Variants in TMEM268 observed in about 807,000 individuals in gnomAD.
TMEM268 encodes the protein transmembrane protein 268, also known as transmembrane protein C9orf91.
In TMEM268, 24 loss-of-function variants were observed where a neutral mutation model predicts 39.1. The ratio of observed to expected loss-of-function variants is 0.61; its 90% CI spans 0.44 to 0.86. The LOEUF is 0.86. Ranked by LOEUF, TMEM268 falls within the 40% of genes least tolerant of loss-of-function variation. The pLI is 0.00. For missense variants in TMEM268, 409 were observed against 428.6 expected, an observed-to-expected ratio of 0.95 and a Z score of 0.40; for synonymous variants, 176 against 173.5, an observed-to-expected ratio of 1.01 and a Z score of -0.12.
At chr9:114,630,768 G>A (rs1469863106) in intron 5 of TMEM268, among the ~76,000 whole-genome samples, 1 of 152,182 alleles carries the variant, frequency 6.6e-6, no homozygotes, top group Admixed American at 6.5e-5. Context: ...GTGAGGAAAC[G>A]GAAGTTCAGA....
chr9:114,642,370 T>TA (rs1397038469), intron 8 of TMEM268, among the ~76,000 whole-genome samples: 1 of 151,414 alleles, frequency 6.6e-6, no homozygotes, highest in Non-Finnish European at 1.5e-5. Flanking sequence ...TCTTTTTTTT[T>TA]ACTGTCAGTG....
chr9:114,638,837 AGACAC>A (rs1846763037), intron 8 of TMEM268, 111 bp downstream of exon 8: 2 of 719,724 alleles, frequency 2.8e-6, no homozygotes, highest in Non-Finnish European at 4.1e-6. Flanking sequence ...CTCAGTTAGT[AGACAC>A]CACACAAATC....
chr9:114,639,303 T>G (rs1160171180), intron 8 of TMEM268, among the ~76,000 whole-genome samples: 1 of 152,054 alleles, frequency 6.6e-6, no homozygotes, highest in African/African-American at 2.4e-5. Flanking sequence ...ACCTGGCTAA[T>G]TTTTTGTATT....
chr9:114,632,940 G>C (rs1293061649), intron 5 of TMEM268, among the ~76,000 whole-genome samples: 1 of 152,068 alleles, frequency 6.6e-6, no homozygotes, highest in East Asian at 1.9e-4. Context: ...TTTATCCCAG[G>C]GCTGTCTGAC....
intron 5 of TMEM268, 90 bp downstream of exon 5, chr9:114,628,340 A>AAT: frequency 6.8e-7 from 1 of 1,476,408 alleles, no homozygotes; most frequent in Non-Finnish European, 9.3e-7. Flanking sequence ...TCCCTCAAAG[A>AAT]ATTTCCCTGG....
At chr9:114,618,986 A>T (rs530082045) in intron 2 of TMEM268, among the ~76,000 whole-genome samples, 24 of 152,340 alleles carry the variant, frequency 1.6e-4, no homozygotes, top group African/African-American at 5.5e-4. Flanking sequence ...GAGTAGCTGG[A>T]TATGGGCAAG....
At chr9:114,604,641 C>T in the TMEM268 span, among the ~76,000 whole-genome samples, 21 of 151,296 alleles carry the variant, frequency 1.4e-4, no homozygotes, top group African/African-American at 4.6e-4. Context: ...ATTGTGTAAC[C>T]TTGTGGTAAC....
At chr9:114,635,576 G>A (rs901165874) in intron 6 of TMEM268, among the ~76,000 whole-genome samples, 1 of 152,182 alleles carries the variant, frequency 6.6e-6, no homozygotes, top group African/African-American at 2.4e-5. Context: ...CTACTTGGAA[G>A]GCTGAGGTGG....
intron 1 of TMEM268, among the ~76,000 whole-genome samples, chr9:114,614,158 C>T (rs1010056424): frequency 6.6e-5 from 10 of 152,202 alleles, no homozygotes; most frequent in Admixed American, 5.9e-4. Context: ...ATGTATGTGG[C>T]AGAGTGGGAA....
At chr9:114,626,603 AG>A (rs1296839889) in intron 3 of TMEM268, among the ~76,000 whole-genome samples, 3 of 152,200 alleles carry the variant, frequency 2.0e-5, no homozygotes, top group Non-Finnish European at 4.4e-5. Context: ...GCAGGGCCAG[AG>A]TTTGGGCCCA....
At chr9:114,608,492 A>G (rs934191365), upstream of TMEM268, among the ~76,000 whole-genome samples, 1 of 152,192 alleles carries the variant, frequency 6.6e-6, no homozygotes, top group African/African-American at 2.4e-5. Flanking sequence ...GTGAGAATGA[A>G]GAGTAAAGGC....
chr9:114,643,557 C>T lies in TMEM268; in HGVS notation c.*244C>T, dbSNP rs1473314579. On this transcript the variant is annotated 3_prime_UTR_variant, in exon 9 of 9. Transcript: ENST00000288502. Reference sequence around the variant, plus strand: ...AAGCTGATGGTTACAGAGCTAGTCCCACCAAAGCTACTCTCTCTGCTGCTT... The same window carrying T: ...AAGCTGATGGTTACAGAGCTAGTCCTACCAAAGCTACTCTCTCTGCTGCTT... The T allele has an allele frequency of 4.0e-6, 2 of 498,724 alleles. No homozygotes were observed. Among genetic ancestry groups the T allele is most frequent in the Admixed American group, 3.4e-5 (1 of 29,686 alleles). The allele number at this position is 498,724 out of a possible 1,614,324, so 30.9% of individuals were successfully genotyped here. A position where few individuals can be genotyped will look rare whatever the true frequency, so the allele number is the denominator to read the frequency against.
intron 1 of TMEM268, among the ~76,000 whole-genome samples, chr9:114,616,874 G>T (rs936258195): frequency 1.3e-5 from 2 of 152,140 alleles, no homozygotes; most frequent in African/African-American, 4.8e-5. Context: ...CTGTGCCTGA[G>T]CTGGAGAAGA....
At chr9:114,641,424 A>T (rs1827333097) in intron 8 of TMEM268, among the ~76,000 whole-genome samples, 1 of 152,202 alleles carries the variant, frequency 6.6e-6, no homozygotes, top group African/African-American at 2.4e-5. Context: ...CAAGTATTGC[A>T]AAAGAGCTTC....
upstream of TMEM268, among the ~76,000 whole-genome samples, chr9:114,608,411 CCT>C (rs1309085699): frequency 3.3e-5 from 5 of 152,168 alleles, no homozygotes; most frequent in Admixed American, 2.0e-4. Context: ...TCCAAAGGCC[CCT>C]GTCTTCTGTG....
intron 8 of TMEM268, among the ~76,000 whole-genome samples, chr9:114,641,479 C>G (rs1827336121): frequency 6.6e-6 from 1 of 152,232 alleles, no homozygotes; most frequent in Admixed American, 6.5e-5. Context: ...GAGATCCCAT[C>G]TTCTAGACCA....
At chr9:114,604,719 T>C in the TMEM268 span, among the ~76,000 whole-genome samples, 1 of 151,482 alleles carries the variant, frequency 6.6e-6, no homozygotes, top group African/African-American at 2.4e-5. Flanking sequence ...GGGAAACTTG[T>C]AGAAAAAAAA....
Position 114,633,861 on chromosome 9 carries a change from T to A in TMEM268, c.568T>A (p.Cys190Ser), listed in dbSNP as rs1411563821. The change falls in exon 6 of 9, where the codon TGC (cysteine) becomes AGC (serine). Residue 190 changes from cysteine to serine, a missense_variant. By Grantham distance (112) the Cys-to-Ser change is moderately radical. Coordinates refer to ENST00000288502, the MANE Select transcript of TMEM268 (RefSeq NM_153045.4). ...GGGGGTGACAGACACAGTGGAAGGA[T>A]GCCAGAGTGTGATTCAGGTGCTGTG... is the stretch of plus-strand genomic sequence containing the variant. ...LLGVTDTVEGCQSVIQLWFVY... is the reference protein window; with the variant it reads ...LLGVTDTVEGSQSVIQLWFVY... 6.3e-7 allele frequency: 1 copy of A among 1,595,828 alleles called. No individual in the cohort carries two copies. Among genetic ancestry groups the A allele is most frequent in the African/African-American group, 1.3e-5 (1 of 74,298 alleles).
rs372020714 is a variant in TMEM268 at position 114,633,901 on chromosome 9, C to G, written c.585+23C>G. On this transcript the variant is annotated intron_variant, in intron 6 of 8. Coordinates refer to ENST00000288502, the MANE Select transcript of TMEM268 (RefSeq NM_153045.4). ...CAGGTGCTGTGTCTCATAGTTACCT[C>G]TTCCTGATGGCCCAGTTTTATGTTG... 179 of 1,391,738 alleles carry G rather than the reference C, an allele frequency of 1.3e-4. 1 individual carries two copies. In the East Asian group the frequency reaches 4.2e-3, roughly 33 times the overall value. 86.2% of individuals were successfully genotyped at this position (1,391,738 alleles called of 1,614,324 possible). A position where few individuals can be genotyped will look rare whatever the true frequency, so the allele number is the denominator to read the frequency against.
Sources: allele counts gnomAD v4.1 joint callset (sites outside exome capture counted in the v4.1 genomes callset), GRCh38; gene constraint gnomAD v4.1.1; transcripts MANE v1.5; gene names NCBI Gene and HGNC (gene_info 2026-07-23, HGNC 2026-07-21).